The following NPLOC4 variants were observed in gnomAD, a reference collection of about 807,000 sequenced individuals.
NPLOC4 encodes the protein NPL4 homolog, ubiquitin recognition factor.
A neutral mutation model predicts 80.6 loss-of-function variants in NPLOC4; 18 were observed. The ratio of observed to expected loss-of-function variants is 0.22; its 90% confidence interval spans 0.15 to 0.33. NPLOC4 has a LOEUF of 0.33. NPLOC4 is among the 10% of genes least tolerant of loss of function. The probability of loss-of-function intolerance (pLI) is 1.00; values close to 1 mark genes in which losing one functional copy is unlikely to be tolerated. For missense variants in NPLOC4, 540 were observed against 786.1 expected (o/e 0.69, Z 3.74); for synonymous variants, 313 against 301.5 (o/e 1.04, Z -0.39).
rs1348402439 is a variant in NPLOC4, at chr17:81,606,766, C to A, written c.579G>T (p.Gly193=). The change falls in exon 7 of 17, where the codon GGG becomes GGT. Residue 193 remains glycine, a synonymous_variant. Transcript: ENST00000331134. ...LENISCKIKS[G]CEGHLPWPNG... is the part of the protein sequence containing the mutation. ...TCGGCCACGGGAGGTGCCCCTCGCA[C>A]CCTGACTTAATCTTGCAGCTGATGT... 3 of 1,613,786 alleles carry A rather than the reference C, an allele frequency of 1.9e-6. No homozygotes were observed. Among genetic ancestry groups the A allele is most frequent in the Non-Finnish European group, 2.5e-6 (3 of 1,179,816 alleles).
chr17:81,598,777 G>C (rs865932549), intron 9 of NPLOC4, among the ~76,000 whole-genome samples: 5 of 152,078 alleles, frequency 3.3e-5, no homozygotes, highest in Non-Finnish European at 7.4e-5. Context: ...AAGGATCTGC[G>C]GCCCATGACC....
chr17:81,628,883 A>T (rs1598692625), intron 2 of NPLOC4, among the ~76,000 whole-genome samples: 2 of 99,742 alleles, frequency 2.0e-5, no homozygotes, highest in Admixed American at 1.1e-4. Flanking sequence ...TACAATTCAT[A>T]CTTTTTTTTT....
intron 11 of NPLOC4, among the ~76,000 whole-genome samples, chr17:81,595,665 T>G (rs2034890476): frequency 6.6e-6 from 1 of 151,420 alleles, no homozygotes. Flanking sequence ...CTGCCTCAGC[T>G]CCTTGAGTAG....
chr17:81,604,308 T>C (rs1160570781), intron 8 of NPLOC4, among the ~76,000 whole-genome samples: 1 of 151,796 alleles, frequency 6.6e-6, no homozygotes, highest in Admixed American at 6.6e-5. Context: ...AAACACTGGA[T>C]CAATAGTGGC....
In NPLOC4 at chr17:81,622,297, A is replaced by G; in HGVS notation, c.97-19T>C. ...TTGCAACCTAAAACAAGGCCCAAAG[A>G]ACAGAAATTTAATGAAATGCTAAAG... On this transcript the variant is annotated intron_variant, in intron 2 of 16. Transcript: ENST00000331134. The G allele has an allele frequency of 6.4e-7, 1 of 1,556,182 alleles. No individual in the cohort carries two copies. Among genetic ancestry groups the G allele is most frequent in the Non-Finnish European group, 8.9e-7 (1 of 1,127,640 alleles).
intron 13 of NPLOC4, among the ~76,000 whole-genome samples, chr17:81,570,947 G>A (rs903688934): frequency 2.0e-5 from 3 of 151,918 alleles, no homozygotes; most frequent in African/African-American, 7.2e-5. Flanking sequence ...AAAAGAAGAG[G>A]AAAGAAGTGG....
intron 3 of NPLOC4, among the ~76,000 whole-genome samples, chr17:81,621,879 A>G (rs2035677703): frequency 6.6e-6 from 1 of 152,216 alleles, no homozygotes; most frequent in Non-Finnish European, 1.5e-5. Flanking sequence ...CAAGCAGCTG[A>G]GTATGCAGCT....
chr17:81,585,170 CAAAAAA>C (rs35473939), intron 12 of NPLOC4, among the ~76,000 whole-genome samples: 7 of 40,866 alleles, frequency 1.7e-4, no homozygotes, highest in African/African-American at 9.2e-4. Flanking sequence ...ACTCTGTCGC[CAAAAAA>C]AAAAAAAAAA....
At chr17:81,588,646 G>A (rs1266152683) in intron 12 of NPLOC4, among the ~76,000 whole-genome samples, 4 of 152,180 alleles carry the variant, frequency 2.6e-5, no homozygotes, top group Non-Finnish European at 5.9e-5. Flanking sequence ...CCATGCCAAG[G>A]ACCCATCTTC....
intron 5 of NPLOC4, among the ~76,000 whole-genome samples, chr17:81,609,293 C>T (rs1409905170): frequency 6.6e-6 from 1 of 152,194 alleles, no homozygotes; most frequent in East Asian, 1.9e-4. Context: ...GTTAGCTTTA[C>T]AGGCGTGAGC....
At chr17:81,616,485 C>T (rs528928357) in intron 3 of NPLOC4, among the ~76,000 whole-genome samples, 21 of 151,952 alleles carry the variant, frequency 1.4e-4, no homozygotes, top group Middle Eastern at 3.4e-3. Flanking sequence ...AATCCCAGCA[C>T]GTTGGGAGGC....
intron 12 of NPLOC4, among the ~76,000 whole-genome samples, chr17:81,586,513 G>C (rs9909675): frequency 6.6e-6 from 1 of 151,894 alleles, no homozygotes; most frequent in Non-Finnish European, 1.5e-5. Context: ...GGGAGGCTGA[G>C]GCACAAGAAT....
chr17:81,633,083 G>A (rs902345986), intron 1 of NPLOC4, among the ~76,000 whole-genome samples: 1 of 146,820 alleles, frequency 6.8e-6, no homozygotes, highest in Non-Finnish European at 1.5e-5. Context: ...TGAGCAGATC[G>A]CGCCACTGCA....
intron 2 of NPLOC4, among the ~76,000 whole-genome samples, chr17:81,623,580 T>C (rs8075598): frequency 0.55 from 82,446 of 150,600 alleles, 23,592 homozygotes; most frequent in East Asian, 0.77. Context: ...AGGCGGATCA[T>C]GAGGTCAGGA....
chr17:81,594,275 A>C (rs1280658690), intron 11 of NPLOC4, among the ~76,000 whole-genome samples: 1 of 26,472 alleles, frequency 3.8e-5, no homozygotes. Flanking sequence ...ACTCCGTCTC[A>C]AAAAAAAAAA....
chr17:81,604,476 G>T, intron 8 of NPLOC4, 72 bp downstream of exon 8: 2 of 1,394,134 alleles, frequency 1.4e-6, no homozygotes, highest in African/African-American at 2.9e-5. Context: ...ACAGGGCAAG[G>T]CCTCTCCGAA....
chr17:81,613,930 C>T (rs540920906), intron 3 of NPLOC4, among the ~76,000 whole-genome samples: 1 of 152,100 alleles, frequency 6.6e-6, no homozygotes, highest in Non-Finnish European at 1.5e-5. Flanking sequence ...GCTTTCTCGG[C>T]GTTCACATAC....
intron 11 of NPLOC4, among the ~76,000 whole-genome samples, chr17:81,591,229 G>A (rs2034728625): frequency 6.6e-6 from 1 of 152,058 alleles, no homozygotes; most frequent in Admixed American, 6.6e-5. Flanking sequence ...GAGGTCAGGA[G>A]TTCAAGACCA....
intron 3 of NPLOC4, among the ~76,000 whole-genome samples, chr17:81,619,918 C>G (rs2035620802): frequency 1.3e-5 from 2 of 151,798 alleles, no homozygotes; most frequent in Non-Finnish European, 1.5e-5. Flanking sequence ...CCCCATGGTC[C>G]TGCTGAGGGA....
Sources: gnomAD v4.1 joint callset for allele counts (sites outside exome capture counted in the v4.1 genomes callset) on GRCh38, gnomAD v4.1.1 for gene constraint, MANE v1.5 for transcripts, NCBI Gene and HGNC (gene_info 2026-07-23, HGNC 2026-07-21) for gene names.